The following CDH13 variants were observed in gnomAD, a reference collection of about 807,000 sequenced individuals.
The protein encoded by CDH13 is cadherin 13.
A neutral mutation model predicts 63.8 loss-of-function variants in CDH13; 24 were observed. The ratio of observed to expected loss-of-function variants is 0.38; its 90% CI spans 0.27 to 0.53. The LOEUF is 0.53. CDH13 is among the 20% of genes least tolerant of loss of function. The pLI is 0.85. For synonymous variants in CDH13, 503 were observed against 355.3 expected (o/e 1.42, Z -4.67); for missense variants, 1,049 against 903.1 (o/e 1.16, Z -2.07).
intron 4 of CDH13, among the ~76,000 whole-genome samples, chr16:83,200,211 C>T (rs1388134922): frequency 6.6e-6 from 1 of 152,148 alleles, no homozygotes; most frequent in Non-Finnish European, 1.5e-5. Flanking sequence ...AGCCTGGGCG[C>T]TGGGTGGCAG....
At position 82,844,108 on chromosome 16, in the gene CDH13, C is replaced by A. The variant is rs138897846; in HGVS notation, c.46-14254C>A. ...GAATGTGTCAAGGTTACCTGTATGA[C>A]CCAGATGAGTATGATGTAATCACAA... On this transcript the variant is annotated intron_variant, in intron 1 of 13. Coordinates refer to ENST00000567109, the MANE Select transcript of CDH13 (RefSeq NM_001257.5). Among the ~76,000 whole-genome samples, 481 of 152,176 alleles carry A rather than the reference C, an allele frequency of 3.2e-3. 6 individuals are homozygous for A. The highest frequency in any genetic ancestry group is 0.01 in the African/African-American group (434 of 41,504).
chr16:83,428,004 C>G (rs965283828), intron 6 of CDH13, among the ~76,000 whole-genome samples: 1 of 152,186 alleles, frequency 6.6e-6, no homozygotes, highest in Non-Finnish European at 1.5e-5. Context: ...CTGGTCAGTT[C>G]CACTGGCTCA....
At chr16:83,093,551 C>T (rs563892154) in intron 3 of CDH13, among the ~76,000 whole-genome samples, 3 of 152,038 alleles carry the variant, frequency 2.0e-5, no homozygotes, top group South Asian at 2.1e-4. Flanking sequence ...AACTCCTGAC[C>T]TCAGGTGATC....
intron 1 of CDH13, among the ~76,000 whole-genome samples, chr16:82,782,196 G>T (rs1171404888): frequency 5.3e-5 from 8 of 152,172 alleles, no homozygotes; most frequent in Non-Finnish European, 4.4e-5. Flanking sequence ...TGAAGTAGGG[G>T]CTCAGAAAGC....
At chr16:82,725,170 A>G (rs1401154616) in intron 1 of CDH13, among the ~76,000 whole-genome samples, 1 of 151,980 alleles carries the variant, frequency 6.6e-6, no homozygotes, top group African/African-American at 2.4e-5. Context: ...GCTAATGGCG[A>G]TGATGATGAT....
At chr16:82,929,833 C>T (rs1414073194) in intron 2 of CDH13, among the ~76,000 whole-genome samples, 4 of 151,576 alleles carry the variant, frequency 2.6e-5, no homozygotes, top group Non-Finnish European at 5.9e-5. Context: ...TTACAGCATC[C>T]CGAAGAGACC....
intron 6 of CDH13, among the ~76,000 whole-genome samples, chr16:83,432,065 A>G (rs868301173): frequency 6.6e-6 from 1 of 152,160 alleles, no homozygotes; most frequent in African/African-American, 2.4e-5. Context: ...GGCTTCTGCA[A>G]TTACCCAGAC....
chr16:83,696,979 C>T (rs930933247), intron 10 of CDH13, among the ~76,000 whole-genome samples: 4 of 152,324 alleles, frequency 2.6e-5, no homozygotes, highest in Middle Eastern at 3.4e-3. Flanking sequence ...CCTCTCCTCT[C>T]GCTCCTCTGG....
intron 8 of CDH13, among the ~76,000 whole-genome samples, chr16:83,604,619 G>C (rs907900169): frequency 2.0e-5 from 3 of 152,040 alleles, no homozygotes; most frequent in African/African-American, 7.2e-5. Context: ...TTTTTTCTAG[G>C]CTACCTTATA....
intron 8 of CDH13, among the ~76,000 whole-genome samples, chr16:83,646,712 A>AAAAACACAC (rs1168012793): frequency 0.023 from 1,865 of 80,268 alleles, 78 homozygotes; most frequent in Non-Finnish European, 0.038. Context: ...AAAAAAAAAA[A>AAAAACACAC]ACACACACAC....
At chr16:83,216,500 T>C (rs902544486) in intron 4 of CDH13, among the ~76,000 whole-genome samples, 1 of 136,510 alleles carries the variant, frequency 7.3e-6, no homozygotes, top group Non-Finnish European at 1.6e-5. Context: ...ATTATATATA[T>C]TTAATACATA....
intron 4 of CDH13, among the ~76,000 whole-genome samples, chr16:83,184,819 C>A (rs1261809054): frequency 6.6e-6 from 1 of 151,980 alleles, no homozygotes; most frequent in Admixed American, 6.6e-5. Context: ...CTGATGCTTT[C>A]GTAGCAGTCC....
chr16:82,846,929 A>G (rs2039282411), intron 1 of CDH13, among the ~76,000 whole-genome samples: 1 of 152,242 alleles, frequency 6.6e-6, no homozygotes, highest in Non-Finnish European at 1.5e-5. Flanking sequence ...AAAATGAGAG[A>G]CAATGCTTAT....
rs116244546 is a variant in CDH13, at chr16:83,584,326, C to G, written c.961-18128C>G. On this transcript the variant is annotated intron_variant, in intron 7 of 13. Transcript: ENST00000567109. ...CCCGGGCAATAGAGCAAGACTGCAT[C>G]TCAAAAATTTTTAAAAAATGCATGG... Among the ~76,000 whole-genome samples, 567 of 152,276 alleles carry G rather than the reference C, an allele frequency of 3.7e-3. 3 individuals are homozygous for G. Among genetic ancestry groups the G allele is most frequent in the African/African-American group, 0.013 (534 of 41,552 alleles).
intron 3 of CDH13, among the ~76,000 whole-genome samples, chr16:83,083,989 A>T (rs2033424436): frequency 6.6e-6 from 1 of 152,208 alleles, no homozygotes; most frequent in Admixed American, 6.5e-5. Context: ...AGACCTTTGC[A>T]ATGAGTTTAG....
In CDH13 at chr16:82,981,562, GCAA is replaced by G. The variant is rs1910267746; in HGVS notation, c.158-50447_158-50445del. Among the ~76,000 whole-genome samples, 4 of 152,218 alleles carry G rather than the reference GCAA, an allele frequency of 2.6e-5. No individual in the cohort carries two copies. The East Asian group carries it at 7.7e-4, about 29-fold the overall frequency. On this transcript the variant is annotated intron_variant, in intron 2 of 13. Coordinates refer to ENST00000567109, the MANE Select transcript of CDH13 (RefSeq NM_001257.5). ...AACTAGTCTTCCCCTGCTGGTCCAG[GCAA>G]GGAGCCTGTTCCAGCATTTGGTTCT...
At chr16:82,728,998 C>T (rs2033252570) in intron 1 of CDH13, among the ~76,000 whole-genome samples, 1 of 152,142 alleles carries the variant, frequency 6.6e-6, no homozygotes, top group Non-Finnish European at 1.5e-5. Context: ...GAAGCAACTC[C>T]TCATCTGTTC....
At chr16:83,673,049 C>T (rs1288710940) in intron 9 of CDH13, among the ~76,000 whole-genome samples, 1 of 152,168 alleles carries the variant, frequency 6.6e-6, no homozygotes, top group Non-Finnish European at 1.5e-5. Context: ...TGCTAGTCCC[C>T]ATGAATAATA....
intron 5 of CDH13, among the ~76,000 whole-genome samples, chr16:83,267,677 C>T (rs1480983675): frequency 1.3e-5 from 2 of 152,124 alleles, no homozygotes; most frequent in Non-Finnish European, 2.9e-5. Flanking sequence ...TCATATGATG[C>T]CTTTCACAAC....
Sources: gnomAD v4.1 joint callset for allele counts (sites outside exome capture counted in the v4.1 genomes callset) on GRCh38, gnomAD v4.1.1 for gene constraint, MANE v1.5 for transcripts, NCBI Gene and HGNC (gene_info 2026-07-23, HGNC 2026-07-21) for gene names.